VWA3B: variants seen among roughly 807,000 people sequenced by gnomAD.
VWA3B encodes the protein von Willebrand factor A domain containing 3B.
VWA3B carries 138 observed loss-of-function variants against 158.3 expected under a neutral mutation model. That is an observed-to-expected ratio of 0.87 (90% CI 0.76 to 1.00). The LOEUF (loss-of-function observed/expected upper bound fraction) is 1.00, where lower values mean the gene tolerates loss of function less well. VWA3B is among the 50% of genes least tolerant of loss of function. The pLI, the probability that VWA3B is intolerant of heterozygous loss-of-function variation, is 0.00. For synonymous variants in VWA3B, 596 were observed against 587.3 expected, an observed-to-expected ratio of 1.01 and a Z score of -0.21; for missense variants, 1,555 against 1,565.1, an observed-to-expected ratio of 0.99 and a Z score of 0.11.
chr2:98,243,169 C>T (rs1458746644), intron 19 of VWA3B, among the ~76,000 whole-genome samples: 1 of 152,012 alleles, frequency 6.6e-6, no homozygotes, highest in Non-Finnish European at 1.5e-5. Context: ...CTGTTTTGTA[C>T]CTGCATTTTT....
intron 9 of VWA3B, 33 bp from the exon 10 acceptor site, chr2:98,187,942 C>T (rs1444766198): frequency 2.6e-6 from 4 of 1,561,716 alleles, no homozygotes; most frequent in Non-Finnish European, 3.5e-6. Context: ...TGGACAGTTT[C>T]TGAGTGGCTT....
the VWA3B span, among the ~76,000 whole-genome samples, chr2:98,327,657 C>A: frequency 6.6e-6 from 1 of 152,198 alleles, no homozygotes; most frequent in Non-Finnish European, 1.5e-5. Context: ...AGAACTTCCT[C>A]AAACTGATGA....
intron 10 of VWA3B, among the ~76,000 whole-genome samples, chr2:98,189,921 C>A (rs559490546): frequency 2.6e-5 from 4 of 152,170 alleles, no homozygotes; most frequent in African/African-American, 9.6e-5. Flanking sequence ...TTCATCTTTA[C>A]TTGTCTGCAT....
intron 3 of VWA3B, among the ~76,000 whole-genome samples, chr2:98,118,876 C>G (rs1023245511): frequency 6.6e-6 from 1 of 152,210 alleles, no homozygotes; most frequent in Non-Finnish European, 1.5e-5. Flanking sequence ...TGTGTCTGAT[C>G]TATGTGAAGG....
At chr2:98,294,517 C>T (rs567058210) in intron 23 of VWA3B, among the ~76,000 whole-genome samples, 3 of 152,314 alleles carry the variant, frequency 2.0e-5, no homozygotes, top group South Asian at 2.1e-4. Flanking sequence ...TGTGGGTGAT[C>T]CAGTTGAGGA....
intron 7 of VWA3B, among the ~76,000 whole-genome samples, chr2:98,148,086 T>C (rs1677322081): frequency 6.6e-6 from 1 of 152,200 alleles, no homozygotes; most frequent in South Asian, 2.1e-4. Context: ...ATATGTGTTG[T>C]GTGGTGTATT....
At chr2:98,327,120 C>T in the VWA3B span, among the ~76,000 whole-genome samples, 19,192 of 151,896 alleles carry the variant, frequency 0.13, 1,806 homozygotes, top group Non-Finnish European at 0.19. Context: ...CATGGCGAAA[C>T]CTGTCTCTAC....
intron 2 of VWA3B, among the ~76,000 whole-genome samples, chr2:98,102,075 C>CTTA (rs1683116862): frequency 6.6e-6 from 1 of 152,222 alleles, no homozygotes; most frequent in African/African-American, 2.4e-5. Flanking sequence ...GGTGATCACT[C>CTTA]TTAATGAGCA....
At chr2:98,286,560 C>T (rs1380711050) in intron 22 of VWA3B, among the ~76,000 whole-genome samples, 1 of 152,136 alleles carries the variant, frequency 6.6e-6, no homozygotes, top group African/African-American at 2.4e-5. Context: ...TGGTATATTA[C>T]ATTAATTGTT....
chr2:98,303,139 G>A (rs1354134920), intron 25 of VWA3B, among the ~76,000 whole-genome samples: 1 of 152,188 alleles, frequency 6.6e-6, no homozygotes, highest in African/African-American at 2.4e-5. Flanking sequence ...ATGCCCTAGG[G>A]TGTGGGGAGA....
At chr2:98,198,622 A>G (rs539134921) in intron 12 of VWA3B, among the ~76,000 whole-genome samples, 28 of 152,076 alleles carry the variant, frequency 1.8e-4, no homozygotes, top group Non-Finnish European at 3.7e-4. Flanking sequence ...TCTCCACCAC[A>G]GTACCAAAGG....
intron 7 of VWA3B, among the ~76,000 whole-genome samples, chr2:98,152,408 C>T (rs922195494): frequency 2.3e-4 from 35 of 152,178 alleles, no homozygotes; most frequent in African/African-American, 8.4e-4. Flanking sequence ...TTAAAGCTCT[C>T]CAGGGACTGT....
chr2:98,275,953 G>A (rs941430833), intron 22 of VWA3B, among the ~76,000 whole-genome samples: 2 of 152,244 alleles, frequency 1.3e-5, no homozygotes, highest in Admixed American at 6.5e-5. Flanking sequence ...CATCAGGTGA[G>A]CCAGTGCAGG....
intron 22 of VWA3B, among the ~76,000 whole-genome samples, chr2:98,286,551 G>A (rs1689175818): frequency 6.6e-6 from 1 of 151,928 alleles, no homozygotes; most frequent in Non-Finnish European, 1.5e-5. Flanking sequence ...CTATTAATAT[G>A]GTATATTACA....
chr2:98,130,754 A>G (rs1675798117), intron 6 of VWA3B, among the ~76,000 whole-genome samples: 1 of 152,242 alleles, frequency 6.6e-6, no homozygotes, highest in Non-Finnish European at 1.5e-5. Context: ...TTTTCTTAGT[A>G]CAGAACAAAA....
chr2:98,293,443 T>C (rs75174108), intron 23 of VWA3B, among the ~76,000 whole-genome samples: 5,934 of 152,322 alleles, frequency 0.039, 169 homozygotes, highest in Middle Eastern at 0.075. Context: ...TGCCCTCTCT[T>C]CCCAGTCACC....
chr2:98,117,166 G>GT (rs1165576794), intron 3 of VWA3B, among the ~76,000 whole-genome samples: 6 of 152,184 alleles, frequency 3.9e-5, no homozygotes, highest in Admixed American at 2.6e-4. Flanking sequence ...TTGCTTGGAG[G>GT]TAAGAGGACA....
intron 12 of VWA3B, among the ~76,000 whole-genome samples, chr2:98,201,056 A>T: frequency 6.6e-6 from 1 of 152,254 alleles, no homozygotes; most frequent in East Asian, 1.9e-4. Flanking sequence ...AAATCAGCCA[A>T]CCTGAATCCT....
At chr2:98,303,547 A>G (rs1216113335) in intron 25 of VWA3B, among the ~76,000 whole-genome samples, 155 bp from the exon 26 acceptor site, 1 of 152,136 alleles carries the variant, frequency 6.6e-6, no homozygotes, top group Non-Finnish European at 1.5e-5. Flanking sequence ...AATAATTGTC[A>G]AGTGAGGGTC....
Sources: gnomAD v4.1 joint callset for allele counts (sites outside exome capture counted in the v4.1 genomes callset) on GRCh38, gnomAD v4.1.1 for gene constraint, MANE v1.5 for transcripts, NCBI Gene and HGNC (gene_info 2026-07-23, HGNC 2026-07-21) for gene names.